Variants in KDM6A observed in about 807,000 individuals in gnomAD.
KDM6A encodes lysine demethylase 6A.
KDM6A carries 11 observed loss-of-function variants against 117.6 expected under a neutral mutation model. The ratio of observed to expected loss-of-function variants is 0.09; its 90% CI spans 0.06 to 0.15. KDM6A has a LOEUF of 0.15. Among genes scored for constraint, KDM6A ranks in the 10% least tolerant of loss-of-function variants. The pLI is 1.00. For missense variants in KDM6A, 799 were observed against 1,077.3 expected (o/e 0.74, Z 3.62); for synonymous variants, 384 against 396.1 (o/e 0.97, Z 0.36).
intron 2 of KDM6A, among the ~76,000 whole-genome samples, chrX:44,928,635 A>C (rs1165743462): frequency 8.9e-6 from 1 of 111,859 alleles, no homozygotes; most frequent in Non-Finnish European, 1.9e-5. Flanking sequence ...GACAAACTTT[A>C]ACAGAAATTG....
intron 27 of KDM6A, among the ~76,000 whole-genome samples, chrX:45,104,071 C>G (rs1341465075): frequency 1.9e-5 from 2 of 105,011 alleles, no homozygotes; most frequent in African/African-American, 7.1e-5. Context: ...GTTGCCCAGG[C>G]TGGAGTGCAA....
intron 9 of KDM6A, among the ~76,000 whole-genome samples, chrX:45,052,875 T>C (rs2043918083): frequency 9.0e-6 from 1 of 110,644 alleles, no homozygotes. Context: ...ATTTCTTTTG[T>C]AGAGACAAGG....
At chrX:45,004,162 G>A (rs1040078715) in intron 4 of KDM6A, among the ~76,000 whole-genome samples, 2 of 110,390 alleles carry the variant, frequency 1.8e-5, no homozygotes, top group Admixed American at 9.6e-5. Context: ...CACCTATCTT[G>A]TCCTTCCTCC....
At chrX:45,065,342 G>T (rs1201652144) in intron 17 of KDM6A, among the ~76,000 whole-genome samples, 1 of 111,796 alleles carries the variant, frequency 8.9e-6, no homozygotes, top group Non-Finnish European at 1.9e-5. Context: ...CTGGAAACAG[G>T]ATGGCTAAAT....
chrX:45,040,429 G>A (rs756836214), intron 8 of KDM6A, among the ~76,000 whole-genome samples: 3 of 86,289 alleles, frequency 3.5e-5, no homozygotes, highest in East Asian at 4.1e-4. Context: ...CAGACGGGGC[G>A]GCTGGCCGGG....
intron 2 of KDM6A, among the ~76,000 whole-genome samples, chrX:44,933,260 A>ATTTTTTT (rs56098621): frequency 1.9e-4 from 7 of 36,535 alleles, no homozygotes; most frequent in African/African-American, 3.3e-4. Flanking sequence ...GTTTATGTTG[A>ATTTTTTT]TTTTTTTTTT....
intron 3 of KDM6A, among the ~76,000 whole-genome samples, chrX:44,965,026 A>C (rs1040826820): frequency 1.2e-4 from 13 of 112,488 alleles, no homozygotes; most frequent in African/African-American, 3.6e-4. Context: ...CTCCATCAGC[A>C]CTTGCTGCCT....
intron 2 of KDM6A, among the ~76,000 whole-genome samples, chrX:44,929,055 C>T (rs754579029): frequency 4.5e-5 from 5 of 110,311 alleles, no homozygotes; most frequent in East Asian, 2.8e-4. Context: ...CTCAGCCTCC[C>T]GAGTAGCTGA....
intron 6 of KDM6A, among the ~76,000 whole-genome samples, chrX:45,024,787 T>G (rs1453433471): frequency 8.9e-6 from 1 of 112,028 alleles, no homozygotes; most frequent in Non-Finnish European, 1.9e-5. Flanking sequence ...TTTCAGCCCT[T>G]CTTTAGTCTC....
At chrX:44,940,800 C>T (rs2037263679) in intron 2 of KDM6A, among the ~76,000 whole-genome samples, 1 of 111,674 alleles carries the variant, frequency 9.0e-6, no homozygotes, top group Non-Finnish European at 1.9e-5. Context: ...CTTTGGGAGG[C>T]CGAGGTGGGC....
At chrX:45,009,879 TTTCC>T (rs2147578540) in intron 4 of KDM6A, among the ~76,000 whole-genome samples, 1 of 111,748 alleles carries the variant, frequency 8.9e-6, no homozygotes, top group South Asian at 3.8e-4. Flanking sequence ...ATTAAAGGTA[TTTCC>T]TCAGATACTT....
chrX:44,920,222 G>C (rs779589571), intron 2 of KDM6A, among the ~76,000 whole-genome samples: 1 of 110,802 alleles, frequency 9.0e-6, no homozygotes, highest in African/African-American at 3.3e-5. Flanking sequence ...TAGTCTTTCT[G>C]TGCTGTCAGT....
chrX:44,931,706 G>GA (rs1434836582), intron 2 of KDM6A, among the ~76,000 whole-genome samples: 1 of 111,537 alleles, frequency 9.0e-6, no homozygotes, highest in African/African-American at 3.3e-5. Flanking sequence ...GGGCTGGGGG[G>GA]AGTTGTAAGA....
intron 26 of KDM6A, 117 bp downstream of exon 26, chrX:45,090,047 C>T: frequency 1.8e-6 from 1 of 540,977 alleles, no homozygotes; most frequent in Non-Finnish European, 2.9e-6. Context: ...TGACTCCTTG[C>T]ATAGAATTGT....
intron 2 of KDM6A, among the ~76,000 whole-genome samples, chrX:44,920,443 AT>A (rs770955066): frequency 0.049 from 5,010 of 101,458 alleles, 289 homozygotes; most frequent in African/African-American, 0.16. Context: ...CTTTTATTTT[AT>A]TTTTTTTTTT....
At chrX:44,972,391 T>G in intron 3 of KDM6A, among the ~76,000 whole-genome samples, 1 of 108,526 alleles carries the variant, frequency 9.2e-6, no homozygotes, top group Non-Finnish European at 1.9e-5. Context: ...TCTCTTGCCT[T>G]TCTTTCTTTT....
At position 45,096,581 on chromosome X, in the gene KDM6A, G is replaced by T. The variant is rs771113020; in HGVS notation, c.4034+5717G>T. ...GCTTCACCAGAAGTACTACAGCTTC[G>T]CAGTCTCTTATTGTAAACCCTTTAG... On this transcript the variant is annotated intron_variant, in intron 27 of 29. Transcript: ENST00000611820. Among the ~76,000 whole-genome samples, 14 of 112,154 alleles carry T rather than the reference G, an allele frequency of 1.2e-4. No homozygotes were observed. In the South Asian group the frequency reaches 1.8e-3, roughly 15 times the overall value.
intron 5 of KDM6A, among the ~76,000 whole-genome samples, chrX:45,011,829 A>G (rs1301345530): frequency 3.6e-5 from 4 of 110,978 alleles, no homozygotes; most frequent in Non-Finnish European, 5.7e-5. Context: ...TCTGTTGCCC[A>G]GGCTGGAGTG....
At chrX:44,874,017 A>G in intron 2 of KDM6A, 30 bp downstream of exon 2, 3 of 1,180,813 alleles carry the variant, frequency 2.5e-6, no homozygotes, top group Non-Finnish European at 3.5e-6. Flanking sequence ...GAGCGCGGAC[A>G]CCGTCTCCCT....
Sources: allele counts gnomAD v4.1 joint callset (sites outside exome capture counted in the v4.1 genomes callset), GRCh38; gene constraint gnomAD v4.1.1; transcripts MANE v1.5; gene names NCBI Gene and HGNC (gene_info 2026-07-23, HGNC 2026-07-21).